KLRD1: variants seen among roughly 807,000 people sequenced by gnomAD.
KLRD1 encodes the protein killer cell lectin like receptor D1.
A neutral mutation model predicts 22.6 loss-of-function variants in KLRD1; 21 were observed. The ratio of observed to expected loss-of-function variants is 0.93; its 90% confidence interval spans 0.66 to 1.34. The LOEUF is 1.34. Among genes scored for constraint, KLRD1 ranks in the 40% most tolerant of loss-of-function variants. KLRD1 has a pLI of 0.00. For synonymous variants in KLRD1, 59 were observed against 71.1 expected, an observed-to-expected ratio of 0.83 and a Z score of 0.85; for missense variants, 183 against 208.6, an observed-to-expected ratio of 0.88 and a Z score of 0.76.
At chr12:10,246,292 G>T (rs7978029) in intron 1 of KLRD1, among the ~76,000 whole-genome samples, 114,471 of 151,892 alleles carry the variant, frequency 0.75, 43,668 homozygotes, top group East Asian at 1. Context: ...CATTTTGTGT[G>T]TATTATATAC....
chr12:10,297,189 T>C (rs1461421936), intron 1 of KLRD1, among the ~76,000 whole-genome samples: 4 of 152,370 alleles, frequency 2.6e-5, no homozygotes, highest in South Asian at 4.1e-4. Context: ...TGCTCATTTG[T>C]ATCCTGGTGT....
intron 1 of KLRD1, among the ~76,000 whole-genome samples, chr12:10,278,756 T>A (rs1949614074): frequency 6.6e-6 from 1 of 152,164 alleles, no homozygotes; most frequent in Non-Finnish European, 1.5e-5. Flanking sequence ...AAATGTTACT[T>A]CTTTTAACAT....
intron 1 of KLRD1, among the ~76,000 whole-genome samples, chr12:10,288,577 T>A (rs1949733667): frequency 6.6e-6 from 1 of 152,182 alleles, no homozygotes; most frequent in South Asian, 2.1e-4. Flanking sequence ...CTCCTGTGTC[T>A]TCAACTATGA....
chr12:10,239,746 A>T (rs1337014047), intron 1 of KLRD1, among the ~76,000 whole-genome samples: 1 of 151,076 alleles, frequency 6.6e-6, no homozygotes, highest in African/African-American at 2.4e-5. Flanking sequence ...GGTTCAGGCG[A>T]TTCTCCTGCC....
chr12:10,294,554 ATGC>A (rs1326322647), intron 1 of KLRD1, among the ~76,000 whole-genome samples: 1 of 6,720 alleles, frequency 1.5e-4, no homozygotes, highest in Non-Finnish European at 3.9e-3. Context: ...CCATGCCACC[ATGC>A]CTGGCTAATT....
Position 10,318,857 on chromosome 12 carries a change from A to AC in KLRD1, c.*4064_*4065insC, listed in dbSNP as rs1950282504. ...GAGACTCCGTCTCCAAAAAAAAAAA[A>AC]AAAAAAAAAGCTTTTCATAAGTATG... On this transcript the variant is annotated 3_prime_UTR_variant, in exon 6 of 6. Transcript: ENST00000336164. 1 of 152,194 alleles carries AC rather than the reference A, an allele frequency of 6.6e-6. No individual in the cohort carries two copies. The highest frequency in any genetic ancestry group is 6.6e-5 in the Admixed American group (1 of 15,262). The allele number at this position is 152,194 out of a possible 1,614,324, so 9.4% of individuals were successfully genotyped here.
intron 1 of KLRD1, among the ~76,000 whole-genome samples, chr12:10,288,287 G>A (rs1386018630): frequency 6.6e-6 from 1 of 151,020 alleles, no homozygotes; most frequent in African/African-American, 2.4e-5. Context: ...AGTCAAGTAC[G>A]TGTGCATGCA....
rs1178857365 is a variant in KLRD1, at chr12:10,239,448, TC to T, written c.-101+13217del. Among the ~76,000 whole-genome samples the T allele has an allele frequency of 7.6e-4, 28 of 36,610 alleles. 1 individual carries two copies. Among genetic ancestry groups the T allele is most frequent in the East Asian group, 4.5e-3 (3 of 670 alleles). The allele number at this position is 36,610 out of a possible 152,430, so 24.0% of individuals were successfully genotyped here. ...TCCTTCCTTCCTTTCCTTCCTTCCT[TC>T]CTTCCTTCCTTCCTTCCTTCCTTCC... On this transcript the variant is annotated intron_variant, in intron 1 of 5. Coordinates refer to the KLRD1 transcript ENST00000544747.
intron 1 of KLRD1, among the ~76,000 whole-genome samples, chr12:10,258,461 T>A (rs1189174880): frequency 6.6e-6 from 1 of 152,146 alleles, no homozygotes; most frequent in African/African-American, 2.4e-5. Context: ...GCATTCTCTT[T>A]GGGGGAACAA....
chr12:10,245,323 A>G (rs1445466811), intron 1 of KLRD1, among the ~76,000 whole-genome samples: 1 of 152,164 alleles, frequency 6.6e-6, no homozygotes, highest in African/African-American at 2.4e-5. Context: ...GCGCCACTGC[A>G]CTCCAGCCTG....
In KLRD1 at chr12:10,322,936, C is replaced by T. The variant is rs1039145900; in HGVS notation, c.*8143C>T. 3.3e-5 allele frequency: 5 copies of T among 152,172 alleles called. No individual in the cohort carries two copies. Among genetic ancestry groups the T allele is most frequent in the African/African-American group, 1.2e-4 (5 of 41,428 alleles). 9.4% of individuals were successfully genotyped at this position (152,172 alleles called of 1,614,324 possible). A position where few individuals can be genotyped will look rare whatever the true frequency, so the allele number is the denominator to read the frequency against. On this transcript the variant is annotated 3_prime_UTR_variant, in exon 6 of 6. Transcript: ENST00000336164. ...TAAATGGAAGCTTAGCATGTATGAT[C>T]TTTGTGGCTTCTGTTGCTAAGCATT...
chr12:10,251,394 G>A (rs1949345147), intron 1 of KLRD1, among the ~76,000 whole-genome samples: 1 of 151,954 alleles, frequency 6.6e-6, no homozygotes, highest in African/African-American at 2.4e-5. Flanking sequence ...TAAAGTGCTG[G>A]GATTACAGGT....
At chr12:10,259,003 A>G (rs1481234101) in intron 1 of KLRD1, among the ~76,000 whole-genome samples, 1 of 152,198 alleles carries the variant, frequency 6.6e-6, no homozygotes, top group African/African-American at 2.4e-5. Context: ...GTCTGCAAGC[A>G]AGACTTAGTT....
At chr12:10,254,782 A>G (rs1413329961) in intron 1 of KLRD1, among the ~76,000 whole-genome samples, 1 of 151,898 alleles carries the variant, frequency 6.6e-6, no homozygotes, top group African/African-American at 2.4e-5. Flanking sequence ...AATCCCAGCT[A>G]CTCTGGAGGC....
At chr12:10,296,121 T>C (rs1274961029) in intron 1 of KLRD1, among the ~76,000 whole-genome samples, 2 of 152,220 alleles carry the variant, frequency 1.3e-5, no homozygotes, top group Non-Finnish European at 2.9e-5. Context: ...TTGCCACAGC[T>C]GCACTTAGAA....
chr12:10,244,050 G>A (rs149496877), intron 1 of KLRD1, among the ~76,000 whole-genome samples: 5 of 152,094 alleles, frequency 3.3e-5, no homozygotes, highest in East Asian at 1.9e-4. Context: ...GTGGGCTTCC[G>A]GTTTCTCTTT....
At position 10,254,418 on chromosome 12, in the gene KLRD1, C is replaced by T. The variant is rs1299030245; in HGVS notation, c.-101+28185C>T. 3.2e-5 allele frequency among the ~76,000 whole-genome samples: 4 copies of T among 125,098 alleles called. No individual in the cohort carries two copies. In the South Asian group the frequency reaches 1.2e-3, roughly 37 times the overall value. The allele number at this position is 125,098 out of a possible 152,430, so 82.1% of individuals were successfully genotyped here. On this transcript the variant is annotated intron_variant, in intron 1 of 5. Coordinates refer to the KLRD1 transcript ENST00000544747. ...CTGCACTCCAGGCTGGGCGACAGAG[C>T]CACACTCCGTCTCAAAAAAAAAAAA...
intron 1 of KLRD1, among the ~76,000 whole-genome samples, chr12:10,260,284 ATTG>A (rs137948584): frequency 0.015 from 2,314 of 151,576 alleles, 50 homozygotes; most frequent in African/African-American, 0.052. Context: ...TTCCATTATA[ATTG>A]TTGCTCCTTT....
rs537872448 is a variant in KLRD1, at chr12:10,295,212, C to T, written c.-100-12766C>T. ...TGAACCATGGCTGTTGCCTATTTCT[C>T]ATTTTATTGTAACCACGTATCTGTA... On this transcript the variant is annotated intron_variant, in intron 1 of 5. Transcript: ENST00000544747. Among the ~76,000 whole-genome samples the T allele has an allele frequency of 2.6e-5, 4 of 152,262 alleles. No individual in the cohort carries two copies. The East Asian group carries it at 7.7e-4, about 29-fold the overall frequency.
Sources: allele counts gnomAD v4.1 joint callset (sites outside exome capture counted in the v4.1 genomes callset), GRCh38; gene constraint gnomAD v4.1.1; transcripts MANE v1.5; gene names NCBI Gene and HGNC (gene_info 2026-07-23, HGNC 2026-07-21).